The following PAK1 variants were observed in gnomAD, a reference collection of about 807,000 sequenced individuals.
PAK1 encodes serine/threonine-protein kinase PAK 1.
PAK1 carries 29 observed loss-of-function variants against 67.4 expected under a neutral mutation model. The ratio of observed to expected loss-of-function variants is 0.43; its 90% CI spans 0.32 to 0.59. The LOEUF (loss-of-function observed/expected upper bound fraction) is 0.59. Among genes scored for constraint, PAK1 ranks in the 20% least tolerant of loss-of-function variants. PAK1 has a pLI of 0.07. For missense variants in PAK1, 337 were observed against 670.7 expected, an observed-to-expected ratio of 0.50 and a Z score of 5.50; for synonymous variants, 223 against 237.4, an observed-to-expected ratio of 0.94 and a Z score of 0.56.
intron 1 of PAK1, among the ~76,000 whole-genome samples, chr11:77,436,212 C>T (rs997632989): frequency 2.6e-5 from 4 of 152,142 alleles, no homozygotes; most frequent in African/African-American, 9.7e-5. Context: ...CAGACACTTA[C>T]TCTATGGTTG....
At chr11:77,473,518 C>G (rs1957974832) in intron 1 of PAK1, 34 bp downstream of exon 1, 1 of 152,428 alleles carries the variant, frequency 6.6e-6, no homozygotes. Flanking sequence ...CAGCCCGGGA[C>G]GCGAGGGGTA....
chr11:77,330,296 T>A (rs534456253), intron 14 of PAK1, among the ~76,000 whole-genome samples: 1 of 152,088 alleles, frequency 6.6e-6, no homozygotes, highest in Non-Finnish European at 1.5e-5. Context: ...TTAAAGTTCA[T>A]ATGGAACCAA....
chr11:77,480,650 A>C, the PAK1 span, among the ~76,000 whole-genome samples: 2 of 151,784 alleles, frequency 1.3e-5, no homozygotes, highest in Middle Eastern at 3.2e-3. Context: ...CAGCCTCCCG[A>C]ATAGCTGGGA....
chr11:77,449,588 T>C (rs1290707574), intron 1 of PAK1, among the ~76,000 whole-genome samples: 1 of 152,036 alleles, frequency 6.6e-6, no homozygotes. Context: ...GAGGTGTTAT[T>C]TTCCCAATGA....
chr11:77,366,742 G>T (rs933035092), intron 5 of PAK1, among the ~76,000 whole-genome samples: 2 of 152,188 alleles, frequency 1.3e-5, no homozygotes, highest in African/African-American at 4.8e-5. Flanking sequence ...CTCATTAATT[G>T]CTAGTGGGAA....
At chr11:77,366,633 T>C (rs998899101) in intron 5 of PAK1, among the ~76,000 whole-genome samples, 4 of 152,202 alleles carry the variant, frequency 2.6e-5, no homozygotes, top group African/African-American at 9.6e-5. Context: ...GGAAATCCAA[T>C]AAAATCACAA....
chr11:77,521,968 C>T, the PAK1 span, among the ~76,000 whole-genome samples: 6 of 152,290 alleles, frequency 3.9e-5, no homozygotes, highest in Admixed American at 2.0e-4. Flanking sequence ...AATCTAATGA[C>T]GATGAGATTT....
At chr11:77,481,673 C>CAAAAAAAAAAAA in the PAK1 span, among the ~76,000 whole-genome samples, 31 of 94,418 alleles carry the variant, frequency 3.3e-4, 1 homozygote, top group African/African-American at 1.2e-3. Context: ...GACTCCATCT[C>CAAAAAAAAAAAA]AAAAAAAAAA....
chr11:77,444,882 A>G (rs917505627), intron 1 of PAK1, among the ~76,000 whole-genome samples: 3 of 152,030 alleles, frequency 2.0e-5, no homozygotes, highest in Non-Finnish European at 4.4e-5. Flanking sequence ...TTATCCCACA[A>G]TATCTCTACT....
the PAK1 span, among the ~76,000 whole-genome samples, chr11:77,481,404 C>T: frequency 3.3e-5 from 5 of 151,938 alleles, no homozygotes; most frequent in Admixed American, 6.6e-5. Context: ...AGGCCAGGCA[C>T]GGTGGCTCAT....
At chr11:77,449,778 C>T (rs1460163556) in intron 1 of PAK1, among the ~76,000 whole-genome samples, 1 of 151,640 alleles carries the variant, frequency 6.6e-6, no homozygotes, top group Non-Finnish European at 1.5e-5. Flanking sequence ...TCTCAATACC[C>T]TCACCCCAAT....
At chr11:77,349,117 C>G (rs1428926316) in intron 9 of PAK1, 122 bp downstream of exon 9, 3 of 663,760 alleles carry the variant, frequency 4.5e-6, no homozygotes, top group South Asian at 1.8e-5. Context: ...AGAGTGAGAC[C>G]CCATCCCAAA....
intron 1 of PAK1, among the ~76,000 whole-genome samples, chr11:77,460,625 T>C (rs2135482718): frequency 6.6e-6 from 1 of 151,878 alleles, no homozygotes; most frequent in Admixed American, 6.6e-5. Flanking sequence ...TTAGGGTAAC[T>C]CAGTAGAAGG....
intron 1 of PAK1, among the ~76,000 whole-genome samples, chr11:77,424,557 G>C (rs972931612): frequency 6.6e-6 from 1 of 152,196 alleles, no homozygotes; most frequent in Non-Finnish European, 1.5e-5. Context: ...AGTCTTATCA[G>C]TTACTACACT....
chr11:77,524,788 T>C, the PAK1 span, among the ~76,000 whole-genome samples: 2 of 152,216 alleles, frequency 1.3e-5, no homozygotes, highest in East Asian at 1.9e-4. Context: ...ATTTTCATTG[T>C]TTTGTTTTGC....
intron 1 of PAK1, among the ~76,000 whole-genome samples, chr11:77,442,084 T>C (rs1274794484): frequency 2.0e-5 from 3 of 152,202 alleles, no homozygotes; most frequent in Non-Finnish European, 4.4e-5. Flanking sequence ...ATTCTCCTCA[T>C]ATCCACCATG....
chr11:77,389,340 G>C (rs1950845076), intron 2 of PAK1, among the ~76,000 whole-genome samples: 1 of 152,128 alleles, frequency 6.6e-6, no homozygotes, highest in Non-Finnish European at 1.5e-5. Context: ...AGCTGATGGG[G>C]TATTTGGGTT....
intron 14 of PAK1, among the ~76,000 whole-genome samples, chr11:77,331,376 G>A (rs1245550558): frequency 6.6e-6 from 1 of 152,182 alleles, no homozygotes; most frequent in Non-Finnish European, 1.5e-5. Context: ...CAAAGACTTG[G>A]AACCAACCTA....
chr11:77,333,194 C>CTT lies in PAK1; in HGVS notation c.1414-329_1414-328dup, dbSNP rs886805892. Among the ~76,000 whole-genome samples the CTT allele has an allele frequency of 3.2e-3, 407 of 127,128 alleles. 3 individuals carry two copies. The highest frequency in any genetic ancestry group is 5.3e-3 in the Non-Finnish European group (312 of 58,662). The allele number at this position is 127,128 out of a possible 152,430, so 83.4% of individuals were successfully genotyped here. ...GACCTAAGGGTTTATTCTTCTTCTT[C>CTT]TTTTTTTTTTTTTTTTTTTTTGAGA... On this transcript the variant is annotated intron_variant, in intron 13 of 14. Coordinates refer to ENST00000356341, the MANE Select transcript of PAK1 (RefSeq NM_002576.5).
Sources: gnomAD v4.1 joint callset for allele counts (sites outside exome capture counted in the v4.1 genomes callset) on GRCh38, gnomAD v4.1.1 for gene constraint, MANE v1.5 for transcripts, NCBI Gene and HGNC (gene_info 2026-07-23, HGNC 2026-07-21) for gene names.